Variants in UTS2B observed in about 807,000 individuals in gnomAD.
The protein encoded by UTS2B is urotensin 2B, also known as urotensin-2B.
UTS2B carries 21 observed loss-of-function variants against 19.2 expected under a neutral mutation model. The observed-to-expected ratio is 1.09, with a 90% CI of 0.78 to 1.58. The LOEUF (loss-of-function observed/expected upper bound fraction) is 1.58. Ranked by LOEUF, UTS2B falls within the 40% of genes most tolerant of loss-of-function variation. The probability of loss-of-function intolerance (pLI) is 0.00; values close to 1 mark genes in which losing one functional copy is unlikely to be tolerated. For missense variants in UTS2B, 138 were observed against 130.3 expected (o/e 1.06, Z -0.29); for synonymous variants, 57 against 50.2 (o/e 1.14, Z -0.58).
rs201432589 is a variant in UTS2B, at chr3:191,268,390, C to G, written c.*26G>C. On this transcript the variant is annotated 3_prime_UTR_variant, in exon 9 of 9. Coordinates refer to ENST00000340524, the MANE Select transcript of UTS2B (RefSeq NM_198152.5). The stretch of plus-strand genomic sequence containing the variant: ...ACATATATTTTCCTGATATTCTTAT[C>G]TTTTTTTGCATCCAGAGAAAAAGCT... 1 of 1,545,200 alleles carries G rather than the reference C, an allele frequency of 6.5e-7. No individual in the cohort carries two copies. Among genetic ancestry groups the G allele is most frequent in the Non-Finnish European group, 8.9e-7 (1 of 1,128,946 alleles).
At chr3:191,278,210 C>T (rs528605320) in intron 5 of UTS2B, 40 bp from the exon 6 acceptor site, 52 of 1,116,600 alleles carry the variant, frequency 4.7e-5, no homozygotes, top group African/African-American at 8.1e-5. Context: ...TTTGAGTCAC[C>T]GAAAATATTT....
At chr3:191,343,561 A>G in the UTS2B span, among the ~76,000 whole-genome samples, 17 of 152,336 alleles carry the variant, frequency 1.1e-4, no homozygotes, top group African/African-American at 3.1e-4. Flanking sequence ...CTTTTTACTC[A>G]TCTTTATGAT....
chr3:191,329,609 C>T, intron 1 of UTS2B: 19 of 1,538,620 alleles, frequency 1.2e-5, no homozygotes, highest in Non-Finnish European at 1.7e-5. Context: ...GCGCTCGGGG[C>T]CCCGCTCGGC....
the UTS2B span, among the ~76,000 whole-genome samples, chr3:191,335,627 A>G: frequency 6.6e-6 from 1 of 152,126 alleles, no homozygotes; most frequent in Non-Finnish European, 1.5e-5. Flanking sequence ...AAGCATACAC[A>G]CATACATTAA....
intron 4 of UTS2B, among the ~76,000 whole-genome samples, chr3:191,287,435 A>G (rs946937105): frequency 3.3e-5 from 5 of 152,152 alleles, no homozygotes; most frequent in African/African-American, 7.2e-5. Flanking sequence ...CTAGGGATAC[A>G]AGGATGTTTT....
At chr3:191,331,919 T>C (rs1718001490), upstream of UTS2B, among the ~76,000 whole-genome samples, 1 of 152,202 alleles carries the variant, frequency 6.6e-6, no homozygotes, top group Non-Finnish European at 1.5e-5. Context: ...AGTAATTAGT[T>C]TAATATTCTG....
At chr3:191,320,362 A>G (rs932536086) in intron 2 of UTS2B, among the ~76,000 whole-genome samples, 3 of 152,206 alleles carry the variant, frequency 2.0e-5, no homozygotes, top group African/African-American at 7.2e-5. Flanking sequence ...AAAGAACATC[A>G]AGTTGGTCAA....
At chr3:191,296,263 T>TCA (rs887546921) in intron 4 of UTS2B, among the ~76,000 whole-genome samples, 10 of 144,712 alleles carry the variant, frequency 6.9e-5, no homozygotes, top group Admixed American at 2.1e-4. Flanking sequence ...TTACACACAC[T>TCA]CACACACACA....
At chr3:191,319,886 CTTT>C (rs34656108) in intron 2 of UTS2B, among the ~76,000 whole-genome samples, 1 of 143,042 alleles carries the variant, frequency 7.0e-6, no homozygotes, top group African/African-American at 2.5e-5. Flanking sequence ...AAAAAAGCCA[CTTT>C]TTTTTTTTTT....
chr3:191,335,230 C>G (rs565336095), upstream of UTS2B, among the ~76,000 whole-genome samples: 1 of 152,106 alleles, frequency 6.6e-6, no homozygotes, highest in Non-Finnish European at 1.5e-5. Context: ...CTTGAAATCC[C>G]AGTTCTCCAA....
Position 191,282,313 on chromosome 3 carries a change from T to A in UTS2B, c.-124A>T, listed in dbSNP as rs1177752224. The A allele has an allele frequency of 4.7e-6, 3 of 632,828 alleles. No homozygotes were observed. Among genetic ancestry groups the A allele is most frequent in the East Asian group, 5.6e-5 (2 of 35,826 alleles). The allele number at this position is 632,828 out of a possible 1,614,324, so 39.2% of individuals were successfully genotyped here. On this transcript the variant is annotated splice_region_variant and 5_prime_UTR_variant, in exon 5 of 9. Transcript: ENST00000340524. Reference sequence around the variant, plus strand: ...GCAAGTGTGCCTCAGTTACGAATGATCTAGATGAAGGAAAAAGAAAGAAAG... The same window carrying A: ...GCAAGTGTGCCTCAGTTACGAATGAACTAGATGAAGGAAAAAGAAAGAAAG...
intron 1 of UTS2B, chr3:191,329,624 G>T: frequency 6.3e-7 from 1 of 1,579,818 alleles, no homozygotes; most frequent in Non-Finnish European, 8.6e-7. Context: ...CTCGGCGCCG[G>T]CGGTGACCGG....
At chr3:191,290,567 C>T (rs1716685178) in intron 4 of UTS2B, among the ~76,000 whole-genome samples, 1 of 152,194 alleles carries the variant, frequency 6.6e-6, no homozygotes, top group Admixed American at 6.5e-5. Context: ...CTCTTGCCCA[C>T]ATATCACAAT....
intron 4 of UTS2B, among the ~76,000 whole-genome samples, chr3:191,303,288 A>G (rs1202064735): frequency 1.5e-5 from 2 of 137,700 alleles, no homozygotes; most frequent in Non-Finnish European, 3.3e-5. Flanking sequence ...TCTTGTTAAT[A>G]TATCTGCTGT....
At chr3:191,328,278 A>T (rs995412019) in intron 2 of UTS2B, 6 of 152,190 alleles carry the variant, frequency 3.9e-5, no homozygotes, top group Non-Finnish European at 7.3e-5. Context: ...AAAACTGAGG[A>T]TAAGTTGAGA....
At chr3:191,320,639 A>G (rs1717590140) in intron 2 of UTS2B, among the ~76,000 whole-genome samples, 2 of 152,230 alleles carry the variant, frequency 1.3e-5, no homozygotes, top group African/African-American at 4.8e-5. Context: ...GGTTTAGACC[A>G]CGGTAGCAGC....
At chr3:191,322,441 C>T (rs1018521187) in intron 2 of UTS2B, among the ~76,000 whole-genome samples, 7 of 152,076 alleles carry the variant, frequency 4.6e-5, no homozygotes, top group African/African-American at 7.2e-5. Context: ...GATTGATCTC[C>T]GTGTTAGCAA....
intron 4 of UTS2B, among the ~76,000 whole-genome samples, chr3:191,288,611 C>CA (rs1189208045): frequency 6.6e-6 from 1 of 151,540 alleles, no homozygotes; most frequent in Non-Finnish European, 1.5e-5. Context: ...ACGCTATATG[C>CA]AAAAATCAAC....
At chr3:191,304,231 T>A (rs1407965984) in intron 4 of UTS2B, among the ~76,000 whole-genome samples, 1 of 152,180 alleles carries the variant, frequency 6.6e-6, no homozygotes, top group East Asian at 1.9e-4. Flanking sequence ...GTGTTGGGAT[T>A]ACAGGCGTGA....
Sources: allele counts gnomAD v4.1 joint callset (sites outside exome capture counted in the v4.1 genomes callset), GRCh38; gene constraint gnomAD v4.1.1; transcripts MANE v1.5; gene names NCBI Gene and HGNC (gene_info 2026-07-23, HGNC 2026-07-21).